Variants in BRWD1 observed in about 807,000 individuals in gnomAD.
BRWD1 encodes bromodomain and WD repeat-containing protein 1.
A neutral mutation model predicts 251.2 loss-of-function variants in BRWD1; 82 were observed. That is an observed-to-expected ratio of 0.33 (90% CI 0.27 to 0.39). The LOEUF (loss-of-function observed/expected upper bound fraction) is 0.39, where lower values mean the gene tolerates loss of function less well. BRWD1 is among the 10% of genes least tolerant of loss of function. The pLI, the probability that BRWD1 is intolerant of heterozygous loss-of-function variation, is 1.00. For missense variants in BRWD1, 2,233 were observed against 2,711.6 expected, an observed-to-expected ratio of 0.82 and a Z score of 3.92; for synonymous variants, 918 against 902.8, an observed-to-expected ratio of 1.02 and a Z score of -0.30.
Position 39,194,811 on chromosome 21 carries a change from A to T in BRWD1, c.*1448T>A, listed in dbSNP as rs2031726828. On this transcript the variant is annotated 3_prime_UTR_variant, in exon 41 of 41. Coordinates refer to ENST00000342449, the MANE Select transcript of BRWD1 (RefSeq NM_033656.4). ...ATTGTCTAATATTGATACCAGTCTG[A>T]TGCTTCACCTTATCTGCCACTTCAA... 1 of 1,534,618 alleles carries T rather than the reference A, an allele frequency of 6.5e-7. No individual in the cohort carries two copies. The highest frequency in any genetic ancestry group is 8.7e-7 in the Non-Finnish European group (1 of 1,145,692).
chr21:39,281,314 C>G (rs1334276532), intron 8 of BRWD1, among the ~76,000 whole-genome samples: 3 of 152,136 alleles, frequency 2.0e-5, no homozygotes, highest in African/African-American at 7.2e-5. Flanking sequence ...CCCAGTTAAT[C>G]TAAGAAGCAA....
chr21:39,258,851 A>G (rs2034647345), intron 17 of BRWD1, among the ~76,000 whole-genome samples, 179 bp from the exon 18 acceptor site: 1 of 152,224 alleles, frequency 6.6e-6, no homozygotes, highest in South Asian at 2.1e-4. Flanking sequence ...TTCAAAGCCA[A>G]CAAAAGTCTT....
intron 4 of BRWD1, among the ~76,000 whole-genome samples, chr21:39,304,089 C>T (rs532400314): frequency 3.6e-5 from 5 of 139,686 alleles, no homozygotes; most frequent in African/African-American, 1.1e-4. Context: ...TGCAGTGAGC[C>T]GAGATTTCGC....
At chr21:39,207,749 C>T (rs564112131) in intron 36 of BRWD1, among the ~76,000 whole-genome samples, 3 of 152,244 alleles carry the variant, frequency 2.0e-5, no homozygotes, top group South Asian at 4.1e-4. Flanking sequence ...TAGAAACAGC[C>T]GAGCTGGCCA....
chr21:39,251,181 T>C (rs990308572), intron 19 of BRWD1, among the ~76,000 whole-genome samples: 1 of 152,202 alleles, frequency 6.6e-6, no homozygotes, highest in Non-Finnish European at 1.5e-5. Flanking sequence ...AACGTCTTCA[T>C]GATTTTCCAA....
chr21:39,188,747 T>C lies in BRWD1; in HGVS notation c.*7512A>G, dbSNP rs1310921400. ...GATCAGTTGAGCGTTCTCCCCAGAA[T>C]AGGTTAGGAAATACTTTATTCAAAG... On this transcript the variant is annotated 3_prime_UTR_variant, in exon 41 of 41. Transcript: ENST00000342449. The C allele has an allele frequency of 1.1e-5, 11 of 985,306 alleles. No homozygotes were observed. The African/African-American group carries it at 1.6e-4, about 14-fold the overall frequency. 61.0% of individuals were successfully genotyped at this position (985,306 alleles called of 1,614,324 possible).
Position 39,193,451 on chromosome 21 carries a change from C to G in BRWD1, c.*2808G>C, listed in dbSNP as rs2031656243. The G allele has an allele frequency of 1.0e-6, 1 of 984,546 alleles. No homozygotes were observed. Among genetic ancestry groups the G allele is most frequent in the African/African-American group, 1.7e-5 (1 of 57,214 alleles). The allele number at this position is 984,546 out of a possible 1,614,324, so 61.0% of individuals were successfully genotyped here. A position where few individuals can be genotyped will look rare whatever the true frequency, so the allele number is the denominator to read the frequency against. On this transcript the variant is annotated 3_prime_UTR_variant, in exon 41 of 41. Coordinates refer to ENST00000342449, the MANE Select transcript of BRWD1 (RefSeq NM_033656.4). ...GAAAAAAGAAAGCTTTGTTAACACT[C>G]ATCTATCTTGTCAATGTTTGAAATC...
chr21:39,230,476 A>AGGGAT (rs1172161041), intron 25 of BRWD1, among the ~76,000 whole-genome samples: 1 of 152,252 alleles, frequency 6.6e-6, no homozygotes, highest in East Asian at 1.9e-4. Flanking sequence ...GAGAATATAT[A>AGGGAT]GGGATAGGTT....
chr21:39,310,925 A>G (rs1243109737), intron 4 of BRWD1, among the ~76,000 whole-genome samples: 1 of 152,156 alleles, frequency 6.6e-6, no homozygotes, highest in African/African-American at 2.4e-5. Context: ...TATACCATTA[A>G]CAAAAGAATA....
intron 4 of BRWD1, among the ~76,000 whole-genome samples, chr21:39,299,534 C>T (rs141925781): frequency 1.2e-4 from 18 of 152,052 alleles, no homozygotes; most frequent in African/African-American, 3.1e-4. Context: ...TTTACTCCAA[C>T]GTAAGAGATA....
At chr21:39,230,399 T>G (rs2033564502) in intron 25 of BRWD1, among the ~76,000 whole-genome samples, 1 of 152,208 alleles carries the variant, frequency 6.6e-6, no homozygotes, top group South Asian at 2.1e-4. Flanking sequence ...ATAGTTTTCA[T>G]TATTCACAGC....
intron 25 of BRWD1, 85 bp downstream of exon 25, chr21:39,232,091 TC>T: frequency 9.3e-7 from 1 of 1,081,012 alleles, no homozygotes; most frequent in Non-Finnish European, 1.4e-6. Flanking sequence ...AAAATATGTT[TC>T]CAACAGGTTT....
intron 20 of BRWD1, among the ~76,000 whole-genome samples, chr21:39,248,912 C>T (rs1568914218): frequency 1.3e-5 from 2 of 151,996 alleles, no homozygotes. Context: ...ATATATACAC[C>T]TATGTTCACT....
intron 11 of BRWD1, 102 bp from the exon 12 acceptor site, chr21:39,276,315 C>A (rs35200633): frequency 1.0e-6 from 1 of 976,894 alleles, no homozygotes; most frequent in African/African-American, 1.7e-5. Context: ...CTTTAACAAG[C>A]AAAATTTGCA....
chr21:39,308,457 G>A (rs1190909871), intron 4 of BRWD1, among the ~76,000 whole-genome samples: 2 of 143,386 alleles, frequency 1.4e-5, no homozygotes, highest in African/African-American at 5.3e-5. Flanking sequence ...ACTCCAGCCT[G>A]GGCAACAGAA....
chr21:39,228,472 A>G (rs769336463), intron 27 of BRWD1, 28 bp downstream of exon 27: 63 of 1,474,710 alleles, frequency 4.3e-5, no homozygotes, highest in Non-Finnish European at 5.3e-5. Context: ...TTTTAAGGGT[A>G]TATAAAACTT....
chr21:39,261,391 C>T (rs912753975), intron 17 of BRWD1, among the ~76,000 whole-genome samples: 2 of 152,120 alleles, frequency 1.3e-5, no homozygotes, highest in African/African-American at 4.8e-5. Flanking sequence ...AAGTGCTTTA[C>T]GTACACTTCC....
intron 37 of BRWD1, among the ~76,000 whole-genome samples, chr21:39,203,170 C>T (rs79206204): frequency 0.015 from 2,324 of 152,262 alleles, 57 homozygotes; most frequent in African/African-American, 0.053. Flanking sequence ...TTTAAAACAG[C>T]TAAGAAATGG....
chr21:39,235,554 G>A (rs1487014111), intron 23 of BRWD1: 1 of 203,758 alleles, frequency 4.9e-6, no homozygotes, highest in East Asian at 1.3e-4. Context: ...ATGGTCCAGT[G>A]TTTGGAGAAG....
Sources: gnomAD v4.1 joint callset for allele counts (sites outside exome capture counted in the v4.1 genomes callset) on GRCh38, gnomAD v4.1.1 for gene constraint, MANE v1.5 for transcripts, NCBI Gene and HGNC (gene_info 2026-07-23, HGNC 2026-07-21) for gene names.